The following MAK16 variants were observed in gnomAD, a reference collection of about 807,000 sequenced individuals.
The protein encoded by MAK16 is protein MAK16 homolog.
MAK16 carries 12 observed loss-of-function variants against 49.9 expected under a neutral mutation model. That is an observed-to-expected ratio of 0.24 (90% CI 0.15 to 0.39). MAK16 has a LOEUF of 0.39. Among genes scored for constraint, MAK16 ranks in the 10% least tolerant of loss-of-function variants. The pLI, the probability that MAK16 is intolerant of heterozygous loss-of-function variation, is 1.00. For missense variants in MAK16, 292 were observed against 363.7 expected, an observed-to-expected ratio of 0.80 and a Z score of 1.60; for synonymous variants, 115 against 126.4, an observed-to-expected ratio of 0.91 and a Z score of 0.60.
rs1808740595 is a variant in MAK16 at position 33,489,274 on chromosome 8, T to C, written c.392+135T>C. ...GTTATGATGTACTAAAGAGAAACTT[T>C]AGCTTTGACTAAAGGTGTGCCCTTT... On this transcript the variant is annotated intron_variant, in intron 5 of 9. Transcript: ENST00000360128. This position sits in a 1 kb window ranked among gnomAD's most constrained non-coding sequence, Gnocchi z 4.2. The C allele has an allele frequency of 6.9e-6, 5 of 727,168 alleles. No homozygotes were observed. The highest frequency in any genetic ancestry group is 8.9e-6 in the Non-Finnish European group (4 of 450,794). The allele number at this position is 727,168 out of a possible 1,614,324, so 45.0% of individuals were successfully genotyped here. A position where few individuals can be genotyped will look rare whatever the true frequency, so the allele number is the denominator to read the frequency against.
At position 33,495,178 on chromosome 8, in the gene MAK16, T is replaced by G. The variant is rs74842522; in HGVS notation, c.448-364T>G. Reference sequence around the variant, plus strand: ...CATGATTTTAGAAAATGTAAACGAATGAAGATTTCTGTTCTCTTTTCTCAG... The same window carrying G: ...CATGATTTTAGAAAATGTAAACGAAGGAAGATTTCTGTTCTCTTTTCTCAG... On this transcript the variant is annotated intron_variant, in intron 6 of 9. Transcript: ENST00000360128. 4.0e-3 allele frequency among the ~76,000 whole-genome samples: 592 copies of G among 148,788 alleles called. 3 individuals are homozygous for G. The highest frequency in any genetic ancestry group is 0.014 in the African/African-American group (552 of 38,206).
intron 6 of MAK16, 49 bp from the exon 7 acceptor site, chr8:33,495,493 A>T: frequency 6.9e-7 from 1 of 1,449,892 alleles, no homozygotes; most frequent in Non-Finnish European, 9.6e-7. Flanking sequence ...TTATAAGATG[A>T]GTAATGAGCA....
chr8:33,500,175 T>C lies in MAK16; in HGVS notation c.*1546T>C. ...AGATGAATAAGAAAAAAGATCAAGC[T>C]CTTTTGAGGCTAGAGGGCTCATATG... On this transcript the variant is annotated 3_prime_UTR_variant, in exon 10 of 10. Coordinates refer to ENST00000360128, the MANE Select transcript of MAK16 (RefSeq NM_032509.4). 1.3e-6 allele frequency: 1 copy of C among 765,510 alleles called. No individual in the cohort carries two copies. The highest frequency in any genetic ancestry group is 2.1e-6 in the Non-Finnish European group (1 of 482,172). The allele number at this position is 765,510 out of a possible 1,614,324, so 47.4% of individuals were successfully genotyped here.
chr8:33,491,748 C>A (rs1808783312), intron 6 of MAK16, among the ~76,000 whole-genome samples: 2 of 150,904 alleles, frequency 1.3e-5, no homozygotes, highest in South Asian at 4.2e-4. Context: ...ATTCTCATGC[C>A]TCAGCCTCCC....
intron 1 of MAK16, among the ~76,000 whole-genome samples, chr8:33,486,037 CAA>C (rs1808681495): frequency 6.6e-6 from 1 of 151,872 alleles, no homozygotes; most frequent in Admixed American, 6.6e-5. Flanking sequence ...CAGTAAAGTA[CAA>C]AGAGTTGAAG....
chr8:33,499,073 C>G lies in MAK16; in HGVS notation c.*444C>G. 1 of 1,025,884 alleles carries G rather than the reference C, an allele frequency of 9.7e-7. No individual in the cohort carries two copies. Among genetic ancestry groups the G allele is most frequent in the South Asian group, 1.4e-5 (1 of 72,980 alleles). 63.5% of individuals were successfully genotyped at this position (1,025,884 alleles called of 1,614,324 possible). A position where few individuals can be genotyped will look rare whatever the true frequency, so the allele number is the denominator to read the frequency against. On this transcript the variant is annotated 3_prime_UTR_variant, in exon 10 of 10. Coordinates refer to ENST00000360128, the MANE Select transcript of MAK16 (RefSeq NM_032509.4). ...GGAAGGAAAAAGCAGCTTTCACTTA[C>G]AAAGTTTCGTGTAAAAATATCTTTT...
chr8:33,488,840 C>G, intron 4 of MAK16, 42 bp downstream of exon 4: 1 of 1,608,902 alleles, frequency 6.2e-7, no homozygotes, highest in South Asian at 1.1e-5. Flanking sequence ...TGATCAAGAG[C>G]ATCAAAGCCA....
In MAK16 at chr8:33,500,440, C is replaced by A; in HGVS notation, c.*1811C>A. 1 of 1,614,110 alleles carries A rather than the reference C, an allele frequency of 6.2e-7. No homozygotes were observed. Among genetic ancestry groups the A allele is most frequent in the South Asian group, 1.1e-5 (1 of 91,086 alleles). ...AAGGTTTGGATCCCTTGCTACATCA[C>A]AAATCAGTTTCAAGAGGGCCTTCAG... On this transcript the variant is annotated 3_prime_UTR_variant, in exon 10 of 10. Coordinates refer to ENST00000360128, the MANE Select transcript of MAK16 (RefSeq NM_032509.4).
At position 33,499,167 on chromosome 8, in the gene MAK16, C is replaced by CA. The variant is rs1197864026; in HGVS notation, c.*540dup. 6.2e-7 allele frequency: 1 copy of CA among 1,608,028 alleles called. No homozygotes were observed. On this transcript the variant is annotated 3_prime_UTR_variant, in exon 10 of 10. Transcript: ENST00000360128. The stretch of plus-strand genomic sequence containing the variant: ...ATCCTTTCCTCTTGGGAAAGTAATA[C>CA]AAGTCTTAAGTTCCATTGTAGGGTG...
chr8:33,499,183 T>A lies in MAK16; in HGVS notation c.*554T>A. 3 of 1,613,360 alleles carry A rather than the reference T, an allele frequency of 1.9e-6. No homozygotes were observed. On this transcript the variant is annotated 3_prime_UTR_variant, in exon 10 of 10. Transcript: ENST00000360128. Reference sequence around the variant, plus strand: ...AAAGTAATACAAGTCTTAAGTTCCATTGTAGGGTGCGCCTTCAGAAACCTG... The same window carrying A: ...AAAGTAATACAAGTCTTAAGTTCCAATGTAGGGTGCGCCTTCAGAAACCTG...
At position 33,500,432 on chromosome 8, in the gene MAK16, C is replaced by T; in HGVS notation, c.*1803C>T. The T allele has an allele frequency of 1.2e-6, 2 of 1,614,068 alleles. No individual in the cohort carries two copies. Among genetic ancestry groups the T allele is most frequent in the East Asian group, 2.2e-5 (1 of 44,884 alleles). On this transcript the variant is annotated 3_prime_UTR_variant, in exon 10 of 10. Transcript: ENST00000360128. ...TCAGGTGTAAGGTTTGGATCCCTTGCTACATCACAAATCAGTTTCAAGAGG... is the reference window on the plus strand; with the variant it reads ...TCAGGTGTAAGGTTTGGATCCCTTGTTACATCACAAATCAGTTTCAAGAGG...
At chr8:33,493,124 A>C (rs1462108984) in intron 6 of MAK16, among the ~76,000 whole-genome samples, 1 of 152,024 alleles carries the variant, frequency 6.6e-6, no homozygotes, top group East Asian at 1.9e-4. Flanking sequence ...ACCTCAGTAA[A>C]ATTTTTGAAC....
rs568151685 is a variant in MAK16, at chr8:33,491,200, G to A, written c.447+861G>A. Among the ~76,000 whole-genome samples the A allele has an allele frequency of 6.6e-5, 10 of 152,240 alleles. No individual in the cohort carries two copies. The East Asian group carries it at 1.5e-3, about 24-fold the overall frequency. ...CATTCATCTATTGATGGACACTTAG[G>A]TTGCTTCCAAATTTTGGCTGTCGTG... On this transcript the variant is annotated intron_variant, in intron 6 of 9. Coordinates refer to ENST00000360128, the MANE Select transcript of MAK16 (RefSeq NM_032509.4).
At position 33,499,105 on chromosome 8, in the gene MAK16, A is replaced by T; in HGVS notation, c.*476A>T. The T allele has an allele frequency of 7.7e-7, 1 of 1,293,960 alleles. No homozygotes were observed. The highest frequency in any genetic ancestry group is 1.1e-6 in the Non-Finnish European group (1 of 892,802). The allele number at this position is 1,293,960 out of a possible 1,614,324, so 80.2% of individuals were successfully genotyped here. On this transcript the variant is annotated 3_prime_UTR_variant, in exon 10 of 10. Coordinates refer to ENST00000360128, the MANE Select transcript of MAK16 (RefSeq NM_032509.4). ...TCGTGTAAAAATATCTTTTTTTCTTAAATAACTCCATTCATACAAATTGGG... is the reference window on the plus strand; with the variant it reads ...TCGTGTAAAAATATCTTTTTTTCTTTAATAACTCCATTCATACAAATTGGG...
intron 1 of MAK16, chr8:33,485,489 A>G (rs892428095): frequency 2.5e-5 from 13 of 525,858 alleles, no homozygotes; most frequent in African/African-American, 1.9e-4. Flanking sequence ...CTACCAATGC[A>G]GGACGTCGCG....
chr8:33,485,679 C>T (rs1160510837), intron 1 of MAK16: 2 of 191,294 alleles, frequency 1.0e-5, no homozygotes, highest in South Asian at 9.5e-5. Flanking sequence ...GTCATAATTT[C>T]GGAAGTATCC....
At chr8:33,497,397 A>G in intron 9 of MAK16, 100 bp downstream of exon 9, 1 of 883,626 alleles carries the variant, frequency 1.1e-6, no homozygotes, top group Non-Finnish European at 1.8e-6. Flanking sequence ...CACTCCTATA[A>G]TTGCAGCACT....
rs1485460710 is a variant in MAK16, at chr8:33,498,774, T to C, written c.*145T>C. ...TTGTGTTTTTATTATTTATGCCACG[T>C]CAGTGGGGCAAGAAATCTGGAGTGA... On this transcript the variant is annotated 3_prime_UTR_variant, in exon 10 of 10. Coordinates refer to ENST00000360128, the MANE Select transcript of MAK16 (RefSeq NM_032509.4). 1.4e-6 allele frequency: 1 copy of C among 721,376 alleles called. No individual in the cohort carries two copies. Among genetic ancestry groups the C allele is most frequent in the South Asian group, 2.0e-5 (1 of 50,884 alleles). 44.7% of individuals were successfully genotyped at this position (721,376 alleles called of 1,614,324 possible).
intron 9 of MAK16, among the ~76,000 whole-genome samples, chr8:33,498,059 A>G (rs1204385580): frequency 4.0e-5 from 6 of 150,382 alleles, no homozygotes; most frequent in Admixed American, 1.3e-4. Context: ...GCGCACCACT[A>G]CACTCCAGCC....
Sources: gnomAD v4.1 joint callset for allele counts (sites outside exome capture counted in the v4.1 genomes callset) on GRCh38, gnomAD v4.1.1 for gene constraint, Gnocchi (gnomAD v3.1) non-coding constraint, MANE v1.5 for transcripts, NCBI Gene and HGNC (gene_info 2026-07-23, HGNC 2026-07-21) for gene names.